The following TP53BP1 variants were observed in gnomAD, a reference collection of about 807,000 sequenced individuals.
TP53BP1 encodes tumor protein p53 binding protein 1, also known as TP53-binding protein 1.
A neutral mutation model predicts 200.8 loss-of-function variants in TP53BP1; 61 were observed. The observed-to-expected ratio is 0.30, with a 90% CI of 0.25 to 0.38. The LOEUF is 0.38. TP53BP1 is among the 10% of genes least tolerant of loss of function. TP53BP1 has a pLI of 1.00. For missense variants in TP53BP1, 2,144 were observed against 2,371.9 expected (o/e 0.90, Z 2.00); for synonymous variants, 822 against 844.3 (o/e 0.97, Z 0.46).
At chr15:43,476,504 A>T (rs1394771452) in intron 8 of TP53BP1, among the ~76,000 whole-genome samples, 2 of 152,258 alleles carry the variant, frequency 1.3e-5, no homozygotes, top group African/African-American at 2.4e-5. Flanking sequence ...AAGGAGTAAA[A>T]GGATTTATGA....
At chr15:43,474,846 C>T in intron 9 of TP53BP1, 79 bp from the exon 10 acceptor site, 1 of 1,016,830 alleles carries the variant, frequency 9.8e-7, no homozygotes, top group Non-Finnish European at 1.5e-6. Context: ...TACTTTTTAA[C>T]AGGAAAAAAT....
intron 26 of TP53BP1, 175 bp from the exon 27 acceptor site, chr15:43,408,263 G>A (rs1056098427): frequency 1.6e-6 from 1 of 640,994 alleles, no homozygotes; most frequent in Non-Finnish European, 2.6e-6. Context: ...GGATCTCTTG[G>A]GCCTGGGAGT....
At position 43,438,728 on chromosome 15, in the gene TP53BP1, C is replaced by CAAAAAAAAAAAAAA. The variant is rs397699362; in HGVS notation, c.3099-326_3099-313dup. 2.3e-4 allele frequency among the ~76,000 whole-genome samples: 5 copies of CAAAAAAAAAAAAAA among 21,652 alleles called. 2 individuals carry two copies. Among genetic ancestry groups the CAAAAAAAAAAAAAA allele is most frequent in the South Asian group, 4.7e-3 (2 of 428 alleles). The allele number at this position is 21,652 out of a possible 152,430, so 14.2% of individuals were successfully genotyped here. A position where few individuals can be genotyped will look rare whatever the true frequency, so the allele number is the denominator to read the frequency against. On this transcript the variant is annotated intron_variant, in intron 15 of 27. Transcript: ENST00000382044. ...CAACAAATAATTTGCAAGCAAGAGGCAAAAAAAAAAAAAAAAAAAAAAAAA... is the reference window on the plus strand; with the variant it reads ...CAACAAATAATTTGCAAGCAAGAGGCAAAAAAAAAAAAAAAAAAAAAAAAAAAAAAAAAAAAAAA...
chr15:43,427,151 G>T (rs1223716166), intron 18 of TP53BP1, among the ~76,000 whole-genome samples: 1 of 151,838 alleles, frequency 6.6e-6, no homozygotes, highest in Non-Finnish European at 1.5e-5. Context: ...CTCATTATTA[G>T]ATGTAAACAA....
intron 27 of TP53BP1, 39 bp from the exon 28 acceptor site, chr15:43,407,609 T>TCAA (rs2044950488): frequency 1.3e-6 from 2 of 1,569,474 alleles, no homozygotes; most frequent in Admixed American, 3.6e-5. Flanking sequence ...GAAAGGACAC[T>TCAA]CAACTTAGCC....
In TP53BP1 at chr15:43,404,908, G is replaced by C; in HGVS notation, c.*2475C>G. ...GTCCCTAGCTTCCGCATCTGTGAAA[G>C]GAGGCGACCACCCCTTCTAACTCTA... On this transcript the variant is annotated 3_prime_UTR_variant, in exon 28 of 28. Coordinates refer to ENST00000382044, the MANE Select transcript of TP53BP1 (RefSeq NM_001141980.3). 1 of 501,716 alleles carries C rather than the reference G, an allele frequency of 2.0e-6. No individual in the cohort carries two copies. The highest frequency in any genetic ancestry group is 3.5e-6 in the Non-Finnish European group (1 of 283,792). The allele number at this position is 501,716 out of a possible 1,614,324, so 31.1% of individuals were successfully genotyped here.
Position 43,456,502 on chromosome 15 carries a change from C to A in TP53BP1, c.2106G>T (p.Gln702His). 1 of 1,589,656 alleles carries A rather than the reference C, an allele frequency of 6.3e-7. No homozygotes were observed. Among genetic ancestry groups the A allele is most frequent in the Non-Finnish European group, 8.5e-7 (1 of 1,169,796 alleles). ...CCTTTTGAAGACACAACCCTTGGGA[C>A]TGAGTTTCAGTCAGAGAAAGGTGCA... ...VPLHLSLTET[Q>H]SQGLCLQKEM... Residue 702 changes from glutamine (Q) to histidine (H), a missense_variant, in exon 12 of 28, where the codon CAG becomes CAT. Gln to His is a conservative substitution (Grantham distance 24). This residue lies in a region of TP53BP1 where 1,700 missense variants were observed against 1,710.3 expected (regional missense o/e 0.99). Coordinates refer to ENST00000382044, the MANE Select transcript of TP53BP1 (RefSeq NM_001141980.3).
At chr15:43,485,886 G>T (rs1447779586) in intron 4 of TP53BP1, among the ~76,000 whole-genome samples, 1 of 152,082 alleles carries the variant, frequency 6.6e-6, no homozygotes, top group East Asian at 1.9e-4. Context: ...TTTGTAGAAT[G>T]ATTAGACAAA....
intron 1 of TP53BP1, among the ~76,000 whole-genome samples, chr15:43,503,688 C>T (rs1188923518): frequency 6.6e-6 from 1 of 152,114 alleles, no homozygotes; most frequent in African/African-American, 2.4e-5. Context: ...CTTTCCAATC[C>T]TCCTTCCTTC....
In TP53BP1 at chr15:43,492,300, T is replaced by C. The variant is rs757206216; in HGVS notation, c.176A>G (p.Lys59Arg). ...ATCACTCACCAACACAGGATTTTCTTTGTGCGTCTGGAGATTAGGAAGGTG... is the reference window on the plus strand; with the variant it reads ...ATCACTCACCAACACAGGATTTTCTCTGTGCGTCTGGAGATTAGGAAGGTG... Reference protein sequence around the residue: ...SRHLPNLQTHKENPVLDVVSN... With the variant: ...SRHLPNLQTHRENPVLDVVSN... Residue 59 changes from lysine to arginine, a missense_variant, in exon 2 of 28, where the codon AAA (lysine) becomes AGA (arginine). Coordinates refer to ENST00000382044, the MANE Select transcript of TP53BP1 (RefSeq NM_001141980.3). 4 of 1,613,746 alleles carry C rather than the reference T, an allele frequency of 2.5e-6. No individual in the cohort carries two copies. The highest frequency in any genetic ancestry group is 1.3e-5 in the African/African-American group (1 of 74,882).
chr15:43,410,369 C>G (rs766937477), intron 24 of TP53BP1, among the ~76,000 whole-genome samples: 13 of 152,074 alleles, frequency 8.5e-5, no homozygotes, highest in Non-Finnish European at 1.6e-4. Context: ...CTTTGATGAT[C>G]TTGAAGTACC....
chr15:43,420,038 G>T (rs1048566117), intron 21 of TP53BP1, among the ~76,000 whole-genome samples: 6 of 152,164 alleles, frequency 3.9e-5, no homozygotes, highest in African/African-American at 1.4e-4. Context: ...TGGATGAGGG[G>T]TATACAGGAA....
At chr15:43,483,072 T>C (rs2078996983) in intron 4 of TP53BP1, among the ~76,000 whole-genome samples, 1 of 152,142 alleles carries the variant, frequency 6.6e-6, no homozygotes, top group African/African-American at 2.4e-5. Flanking sequence ...TACTTAAATA[T>C]TATGGAATTA....
At chr15:43,437,048 A>C (rs1027201092) in intron 16 of TP53BP1, among the ~76,000 whole-genome samples, 1 of 151,822 alleles carries the variant, frequency 6.6e-6, no homozygotes, top group East Asian at 1.9e-4. Flanking sequence ...AGTCCTAGCC[A>C]CTCAGGGGGT....
At chr15:43,471,185 T>C (rs2046715615) in intron 10 of TP53BP1, among the ~76,000 whole-genome samples, 2 of 151,360 alleles carry the variant, frequency 1.3e-5, no homozygotes, top group Non-Finnish European at 2.9e-5. Flanking sequence ...AGCAAATGCA[T>C]TAAATCTAAA....
At chr15:43,471,425 G>A (rs2046722300) in intron 10 of TP53BP1, among the ~76,000 whole-genome samples, 1 of 151,890 alleles carries the variant, frequency 6.6e-6, no homozygotes, top group South Asian at 2.1e-4. Flanking sequence ...TACAATCAGG[G>A]AGAAAGCTTT....
intron 1 of TP53BP1, among the ~76,000 whole-genome samples, chr15:43,506,180 C>T (rs1489688121): frequency 2.6e-5 from 4 of 152,170 alleles, no homozygotes; most frequent in African/African-American, 9.7e-5. Context: ...ATGTTCTTCT[C>T]TCCTATGAAC....
intron 18 of TP53BP1, among the ~76,000 whole-genome samples, chr15:43,424,330 T>C (rs369447755): frequency 2.0e-5 from 3 of 152,224 alleles, no homozygotes; most frequent in Non-Finnish European, 2.9e-5. Flanking sequence ...CTAGTTGTTA[T>C]CCACTAACAT....
chr15:43,477,463 G>A (rs902451971), intron 8 of TP53BP1, 130 bp downstream of exon 8: 19 of 819,574 alleles, frequency 2.3e-5, no homozygotes, highest in Admixed American at 2.0e-4. Flanking sequence ...CTAGAAACAC[G>A]TTTTCCTTCC....
Sources: allele counts gnomAD v4.1 joint callset (sites outside exome capture counted in the v4.1 genomes callset), GRCh38; gene constraint gnomAD v4.1.1; regional missense constraint gnomAD v4.1.1; transcripts MANE v1.5; gene names NCBI Gene and HGNC (gene_info 2026-07-23, HGNC 2026-07-21).